The following RERG variants were observed in gnomAD, a reference collection of about 807,000 sequenced individuals.
RERG encodes ras-related and estrogen-regulated growth inhibitor.
A neutral mutation model predicts 23.2 loss-of-function variants in RERG; 25 were observed. That is an observed-to-expected ratio of 1.08 (90% confidence interval 0.79 to 1.50). The LOEUF (loss-of-function observed/expected upper bound fraction) is 1.50, where lower values mean the gene tolerates loss of function less well. RERG is among the 40% of genes most tolerant of loss of function. The probability of loss-of-function intolerance (pLI) is 0.00; values close to 1 mark genes in which losing one functional copy is unlikely to be tolerated. For synonymous variants in RERG, 81 were observed against 89.1 expected (o/e 0.91, Z 0.51); for missense variants, 253 against 250.1 (o/e 1.01, Z -0.08).
chr12:15,129,085 G>A (rs1045295871), intron 2 of RERG, among the ~76,000 whole-genome samples: 2 of 152,138 alleles, frequency 1.3e-5, no homozygotes, highest in Admixed American at 6.5e-5. Flanking sequence ...AGTGAGTCCC[G>A]GCCTAGAAAG....
At chr12:15,150,121 TATG>T (rs1366223766) in intron 2 of RERG, among the ~76,000 whole-genome samples, 1 of 152,176 alleles carries the variant, frequency 6.6e-6, no homozygotes, top group Non-Finnish European at 1.5e-5. Flanking sequence ...GGACCACAGC[TATG>T]ATATTAGAAG....
At chr12:15,216,764 A>AT (rs1341057492) in intron 2 of RERG, among the ~76,000 whole-genome samples, 15 of 152,206 alleles carry the variant, frequency 9.9e-5, no homozygotes, top group Non-Finnish European at 1.9e-4. Flanking sequence ...TAGCAGGTAC[A>AT]TTTTTCACTT....
intron 2 of RERG, among the ~76,000 whole-genome samples, chr12:15,143,768 A>G (rs1387372447): frequency 2.0e-5 from 3 of 152,204 alleles, no homozygotes; most frequent in African/African-American, 7.2e-5. Context: ...CTATGAAGAA[A>G]AGTAAAGCAG....
At chr12:15,199,972 C>A (rs1187086143) in intron 2 of RERG, among the ~76,000 whole-genome samples, 1 of 151,930 alleles carries the variant, frequency 6.6e-6, no homozygotes, top group Non-Finnish European at 1.5e-5. Flanking sequence ...CAAACTAATA[C>A]ACATTAGAAA....
intron 2 of RERG, among the ~76,000 whole-genome samples, chr12:15,198,446 G>A (rs1865174130): frequency 6.6e-6 from 1 of 152,058 alleles, no homozygotes; most frequent in Admixed American, 6.6e-5. Flanking sequence ...TCAGAGCAAG[G>A]GGGAATATGT....
intron 2 of RERG, among the ~76,000 whole-genome samples, chr12:15,190,549 A>G (rs1366979450): frequency 3.9e-5 from 6 of 152,136 alleles, no homozygotes; most frequent in Non-Finnish European, 5.9e-5. Context: ...ATGCTCCTTG[A>G]TTTGTAGGTC....
chr12:15,187,149 T>C (rs1478424122), intron 2 of RERG, among the ~76,000 whole-genome samples: 3 of 151,888 alleles, frequency 2.0e-5, no homozygotes, highest in Non-Finnish European at 4.4e-5. Flanking sequence ...GAGGAGATGG[T>C]GGGAGGAAAT....
intron 2 of RERG, among the ~76,000 whole-genome samples, chr12:15,167,239 G>A (rs191211491): frequency 9.2e-5 from 14 of 152,250 alleles, no homozygotes; most frequent in Middle Eastern, 3.4e-3. Flanking sequence ...CTATCTGCTG[G>A]GTTGCCCTGA....
chr12:15,161,214 G>GAAAGAAAGAAAGAAAGAAAGAA (rs1864608744), intron 2 of RERG, among the ~76,000 whole-genome samples: 1 of 128,992 alleles, frequency 7.8e-6, no homozygotes, highest in East Asian at 2.2e-4. Flanking sequence ...AAGAAAGAAA[G>GAAAGAAAGAAAGAAAGAAAGAA]AAAGAAAGAA....
intron 3 of RERG, among the ~76,000 whole-genome samples, chr12:15,116,408 A>C (rs1863722355): frequency 6.6e-6 from 1 of 152,198 alleles, no homozygotes; most frequent in Non-Finnish European, 1.5e-5. Context: ...CTTCCATGAT[A>C]AATAGGGTAT....
chr12:15,161,547 G>C (rs897486694), intron 2 of RERG, among the ~76,000 whole-genome samples: 4 of 152,128 alleles, frequency 2.6e-5, no homozygotes, highest in Non-Finnish European at 5.9e-5. Context: ...TGAGTAGCTG[G>C]TGCACTCAAT....
At chr12:15,207,741 TAGA>T (rs142682745) in intron 2 of RERG, among the ~76,000 whole-genome samples, 9,894 of 152,054 alleles carry the variant, frequency 0.065, 958 homozygotes, top group African/African-American at 0.21. Flanking sequence ...AGCTAGACTA[TAGA>T]AGAAGAGACT....
chr12:15,171,643 T>C (rs1377922193), intron 2 of RERG, among the ~76,000 whole-genome samples: 1 of 152,206 alleles, frequency 6.6e-6, no homozygotes, highest in Admixed American at 6.5e-5. Context: ...TTTTTCATGT[T>C]GTTAATGAAT....
intron 2 of RERG, chr12:15,217,098 C>A: frequency 4.7e-6 from 1 of 211,742 alleles, no homozygotes; most frequent in Admixed American, 5.6e-5. Context: ...CCCTCAAGAT[C>A]TCATACATAG....
At chr12:15,152,630 T>C (rs1864461374) in intron 2 of RERG, among the ~76,000 whole-genome samples, 1 of 152,132 alleles carries the variant, frequency 6.6e-6, no homozygotes, top group Non-Finnish European at 1.5e-5. Context: ...AAGGATAACT[T>C]GAATTGAGGA....
intron 2 of RERG, among the ~76,000 whole-genome samples, chr12:15,163,282 A>G (rs1277715292): frequency 6.6e-6 from 1 of 152,218 alleles, no homozygotes; most frequent in Admixed American, 6.5e-5. Context: ...ATGAAGATTA[A>G]AATTGATAAC....
intron 2 of RERG, among the ~76,000 whole-genome samples, chr12:15,200,849 A>G (rs1472862675): frequency 6.6e-6 from 1 of 151,966 alleles, no homozygotes; most frequent in Non-Finnish European, 1.5e-5. Context: ...AGGTCAAATT[A>G]TTAATGTATC....
intron 2 of RERG, among the ~76,000 whole-genome samples, chr12:15,123,574 A>G (rs1863879312): frequency 1.1e-5 from 1 of 89,570 alleles, no homozygotes; most frequent in African/African-American, 3.8e-5. Context: ...TTAAATTTAA[A>G]TAATAAAATT....
intron 2 of RERG, among the ~76,000 whole-genome samples, chr12:15,205,932 C>T (rs544809349): frequency 2.0e-5 from 3 of 151,934 alleles, no homozygotes; most frequent in Admixed American, 6.6e-5. Context: ...GAAAGAAAAA[C>T]GATCTGACTT....
Sources: allele counts gnomAD v4.1 joint callset (sites outside exome capture counted in the v4.1 genomes callset), GRCh38; gene constraint gnomAD v4.1.1; transcripts MANE v1.5; gene names NCBI Gene and HGNC (gene_info 2026-07-23, HGNC 2026-07-21).